GALNTL6: variants seen among roughly 807,000 people sequenced by gnomAD.
The protein encoded by GALNTL6 is polypeptide N-acetylgalactosaminyltransferase like 6.
Under a neutral mutation model 73.7 loss-of-function variants are expected in GALNTL6, and 46 were observed. The observed-to-expected ratio is 0.62, with a 90% CI of 0.49 to 0.80. GALNTL6 has a LOEUF of 0.80. Ranked by LOEUF, GALNTL6 falls within the 30% of genes least tolerant of loss-of-function variation. GALNTL6 has a pLI of 0.00. For missense variants in GALNTL6, 604 were observed against 755.0 expected (o/e 0.80, Z 2.34); for synonymous variants, 259 against 263.7 (o/e 0.98, Z 0.17).
At chr4:172,419,699 GT>G in intron 5 of GALNTL6, among the ~76,000 whole-genome samples, 1 of 152,252 alleles carries the variant, frequency 6.6e-6, no homozygotes, top group Admixed American at 6.5e-5. Flanking sequence ...ATGTAATTCT[GT>G]TGCACACTGT....
intron 2 of GALNTL6, among the ~76,000 whole-genome samples, chr4:171,937,494 TG>T (rs1738387597): frequency 3.3e-5 from 5 of 152,172 alleles, no homozygotes; most frequent in Admixed American, 3.3e-4. Context: ...GTTTTTTGTA[TG>T]CACATGTGAT....
intron 2 of GALNTL6, among the ~76,000 whole-genome samples, chr4:171,988,506 G>A (rs922260758): frequency 2.6e-4 from 39 of 152,290 alleles, no homozygotes; most frequent in African/African-American, 7.9e-4. Flanking sequence ...AGTAAAGAAA[G>A]CATGTTTGAG....
chr4:172,075,924 G>A (rs912696192), intron 2 of GALNTL6, among the ~76,000 whole-genome samples: 3 of 152,144 alleles, frequency 2.0e-5, no homozygotes, highest in Non-Finnish European at 4.4e-5. Flanking sequence ...TTAAATTTGT[G>A]AGATAGTTTA....
chr4:173,013,066 G>C (rs1752625090), intron 11 of GALNTL6, among the ~76,000 whole-genome samples: 2 of 152,094 alleles, frequency 1.3e-5, no homozygotes, highest in African/African-American at 4.8e-5. Context: ...CAGATTTATT[G>C]ATAGGAATCA....
chr4:172,466,823 A>C (rs1029242360), intron 5 of GALNTL6, among the ~76,000 whole-genome samples: 2 of 152,164 alleles, frequency 1.3e-5, no homozygotes, highest in Non-Finnish European at 2.9e-5. Context: ...TTATACTGCA[A>C]ATTTATTATC....
chr4:172,804,972 C>A (rs1470100582), intron 5 of GALNTL6, among the ~76,000 whole-genome samples: 1 of 152,070 alleles, frequency 6.6e-6, no homozygotes, highest in East Asian at 1.9e-4. Context: ...AAATACCAAC[C>A]AATGGGATGC....
intron 5 of GALNTL6, among the ~76,000 whole-genome samples, chr4:172,713,860 C>A (rs1248278921): frequency 6.6e-6 from 1 of 152,076 alleles, no homozygotes; most frequent in Admixed American, 6.6e-5. Context: ...GTCAGCTTAT[C>A]AAACTGTAGG....
At chr4:172,556,945 C>T (rs1736167003) in intron 5 of GALNTL6, among the ~76,000 whole-genome samples, 1 of 151,996 alleles carries the variant, frequency 6.6e-6, no homozygotes, top group South Asian at 2.1e-4. Context: ...AGTAGAATGT[C>T]AAATGTCTTT....
intron 5 of GALNTL6, among the ~76,000 whole-genome samples, chr4:172,714,027 G>T (rs1360108345): frequency 1.3e-5 from 2 of 152,158 alleles, no homozygotes; most frequent in African/African-American, 4.8e-5. Context: ...GACCAGCCTG[G>T]TCAACATGGT....
chr4:172,418,414 ATGACTTGGCTTC>A (rs1320488136), intron 5 of GALNTL6, among the ~76,000 whole-genome samples: 1 of 152,156 alleles, frequency 6.6e-6, no homozygotes, highest in East Asian at 1.9e-4. Flanking sequence ...TTGGGATCAC[ATGACTTGGCTTC>A]TGTACCTTGA....
At chr4:172,241,607 G>A (rs990548885) in intron 3 of GALNTL6, among the ~76,000 whole-genome samples, 1 of 152,080 alleles carries the variant, frequency 6.6e-6, no homozygotes, top group Non-Finnish European at 1.5e-5. Flanking sequence ...GTAGAAGAAG[G>A]GTATGAAACC....
chr4:172,711,798 T>G (rs1734724638), intron 5 of GALNTL6, among the ~76,000 whole-genome samples: 1 of 152,068 alleles, frequency 6.6e-6, no homozygotes, highest in Non-Finnish European at 1.5e-5. Flanking sequence ...ATACATATGG[T>G]CTTAAAGTCT....
At chr4:171,840,789 G>T (rs2110842603) in intron 2 of GALNTL6, among the ~76,000 whole-genome samples, 1 of 152,202 alleles carries the variant, frequency 6.6e-6, no homozygotes, top group South Asian at 2.1e-4. Flanking sequence ...TGCAACATAT[G>T]TCCTAAAATC....
chr4:172,356,148 C>T (rs2111229536), intron 5 of GALNTL6, among the ~76,000 whole-genome samples: 1 of 152,250 alleles, frequency 6.6e-6, no homozygotes, highest in African/African-American at 2.4e-5. Flanking sequence ...AAAGGCATGA[C>T]TTCCTCAAGA....
intron 5 of GALNTL6, among the ~76,000 whole-genome samples, chr4:172,600,285 AC>A (rs1334853060): frequency 6.6e-6 from 1 of 152,158 alleles, no homozygotes; most frequent in Admixed American, 6.6e-5. Flanking sequence ...AAAGATTTCA[AC>A]AACTGAAAAC....
At chr4:172,947,018 A>G (rs1190690907) in intron 9 of GALNTL6, among the ~76,000 whole-genome samples, 1 of 152,232 alleles carries the variant, frequency 6.6e-6, no homozygotes, top group African/African-American at 2.4e-5. Context: ...TGAGTTGAGC[A>G]GAACCATGGC....
intron 2 of GALNTL6, among the ~76,000 whole-genome samples, chr4:171,831,022 T>C (rs551971): frequency 0.98 from 149,471 of 152,202 alleles, 73,450 homozygotes; most frequent in Middle Eastern, 1. Flanking sequence ...CAAGTGACCA[T>C]GAAGCAGCAC....
chr4:172,946,485 C>T (rs951779191), intron 9 of GALNTL6, among the ~76,000 whole-genome samples: 1 of 152,142 alleles, frequency 6.6e-6, no homozygotes, highest in African/African-American at 2.4e-5. Flanking sequence ...ATGCTGTACA[C>T]CAACAGTGAT....
chr4:172,018,492 G>A (rs561330238), intron 2 of GALNTL6, among the ~76,000 whole-genome samples: 32 of 152,092 alleles, frequency 2.1e-4, no homozygotes, highest in African/African-American at 6.0e-4. Flanking sequence ...GAAGTTGGGG[G>A]TAGCAGGTAG....
Sources: gnomAD v4.1 joint callset for allele counts (sites outside exome capture counted in the v4.1 genomes callset) on GRCh38, gnomAD v4.1.1 for gene constraint, MANE v1.5 for transcripts, NCBI Gene and HGNC (gene_info 2026-07-23, HGNC 2026-07-21) for gene names.